The following DLG2 variants were observed in gnomAD, a reference collection of about 807,000 sequenced individuals.
DLG2 encodes the protein discs large MAGUK scaffold protein 2, also known as disks large homolog 2.
A neutral mutation model predicts 132.5 loss-of-function variants in DLG2; 45 were observed. The observed-to-expected ratio is 0.34, with a 90% CI of 0.27 to 0.44. DLG2 has a LOEUF of 0.44. Among genes scored for constraint, DLG2 ranks in the 20% least tolerant of loss-of-function variants. The probability of loss-of-function intolerance (pLI) is 1.00; values close to 1 mark genes in which losing one functional copy is unlikely to be tolerated. For synonymous variants in DLG2, 424 were observed against 419.6 expected, an observed-to-expected ratio of 1.01 and a Z score of -0.13; for missense variants, 1,045 against 1,196.9, an observed-to-expected ratio of 0.87 and a Z score of 1.87.
At chr11:84,784,886 C>T (rs1039493659) in intron 6 of DLG2, among the ~76,000 whole-genome samples, 5 of 151,962 alleles carry the variant, frequency 3.3e-5, no homozygotes, top group East Asian at 3.9e-4. Context: ...TCTTGTACAA[C>T]ATGTTGACTA....
At chr11:84,420,632 G>GTGACCAATGCTTGTTTTCTTT (rs2098945659) in intron 7 of DLG2, among the ~76,000 whole-genome samples, 1 of 134,496 alleles carries the variant, frequency 7.4e-6, no homozygotes, top group Non-Finnish European at 1.6e-5. Flanking sequence ...CCTCAGCACA[G>GTGACCAATGCTTGTTTTCTTT]TGACCAATGC....
At chr11:85,124,079 G>C (rs1312516362) in intron 5 of DLG2, among the ~76,000 whole-genome samples, 1 of 152,214 alleles carries the variant, frequency 6.6e-6, no homozygotes, top group Non-Finnish European at 1.5e-5. Context: ...AAATGAGAGA[G>C]AAAGAGGAGA....
intron 8 of DLG2, among the ~76,000 whole-genome samples, chr11:84,196,347 TA>T (rs2096516761): frequency 6.6e-6 from 1 of 152,192 alleles, no homozygotes; most frequent in Admixed American, 6.5e-5. Context: ...CAGATGGGTA[TA>T]GGGGTAAGAG....
chr11:84,210,544 A>AAG (rs57040288), intron 8 of DLG2, among the ~76,000 whole-genome samples: 110,559 of 147,742 alleles, frequency 0.75, 43,574 homozygotes, highest in Middle Eastern at 0.9. Context: ...AAAAAAAAAA[A>AAG]AAGAATCTTC....
At chr11:84,184,825 G>A (rs1381093598) in intron 8 of DLG2, among the ~76,000 whole-genome samples, 1 of 152,004 alleles carries the variant, frequency 6.6e-6, no homozygotes, top group African/African-American at 2.4e-5. Context: ...TATTAAATAG[G>A]GAATCCTTTC....
At chr11:84,954,386 G>C (rs1308101662) in intron 6 of DLG2, among the ~76,000 whole-genome samples, 1 of 149,508 alleles carries the variant, frequency 6.7e-6, no homozygotes, top group Non-Finnish European at 1.5e-5. Flanking sequence ...CGACATTAAA[G>C]AATGTATAGA....
intron 15 of DLG2, among the ~76,000 whole-genome samples, chr11:83,907,183 T>A (rs1175910877): frequency 6.6e-6 from 1 of 152,028 alleles, no homozygotes; most frequent in African/African-American, 2.4e-5. Context: ...GGGAGAAACA[T>A]CTTGAGAAAG....
intron 19 of DLG2, among the ~76,000 whole-genome samples, chr11:83,611,436 C>G (rs1638455900): frequency 6.6e-6 from 1 of 152,134 alleles, no homozygotes; most frequent in Non-Finnish European, 1.5e-5. Flanking sequence ...ATTAGTGAAG[C>G]ATGCTATAGA....
chr11:84,775,039 C>T (rs1350906435), intron 6 of DLG2, among the ~76,000 whole-genome samples: 35 of 152,068 alleles, frequency 2.3e-4, no homozygotes, highest in Admixed American at 2.3e-3. Flanking sequence ...ATGCATCTAA[C>T]AAAGGTCTAA....
At chr11:84,502,214 CCTTCCTTCCTTCCT>C (rs1567803518) in intron 7 of DLG2, among the ~76,000 whole-genome samples, 171 of 11,644 alleles carry the variant, frequency 0.015, 34 homozygotes, top group Non-Finnish European at 0.016. Flanking sequence ...TTCCTTCCTT[CCTTCCTTCCTTCCT>C]TCCTTCCTTC....
chr11:85,611,643 C>A (rs1046836538), intron 2 of DLG2, among the ~76,000 whole-genome samples: 1 of 152,306 alleles, frequency 6.6e-6, no homozygotes, highest in East Asian at 1.9e-4. Flanking sequence ...GGCACTTACC[C>A]GAGCCTTATA....
chr11:84,764,068 A>G (rs1178645477), intron 6 of DLG2, among the ~76,000 whole-genome samples: 1 of 152,162 alleles, frequency 6.6e-6, no homozygotes, highest in Non-Finnish European at 1.5e-5. Flanking sequence ...TTCAGTCAAC[A>G]TTACAAACCT....
chr11:84,139,738 CACACTCGAA>C lies in DLG2; in HGVS notation c.624+23714_624+23722del, dbSNP rs905708372. Among the ~76,000 whole-genome samples, 84 of 151,974 alleles carry C rather than the reference CACACTCGAA, an allele frequency of 5.5e-4. 1 individual carries two copies. Among genetic ancestry groups the C allele is most frequent in the African/African-American group, 2.0e-3 (81 of 41,372 alleles). ...TTTCAGGCTAAATGACTACAAAGGC[CACACTCGAA>C]ACACTTTGCTGTATTTGTAAAAATA... On this transcript the variant is annotated intron_variant, in intron 9 of 27. Coordinates refer to ENST00000376104, the MANE Select transcript of DLG2 (RefSeq NM_001142699.3).
intron 8 of DLG2, among the ~76,000 whole-genome samples, chr11:84,227,110 T>C (rs979766604): frequency 2.0e-5 from 3 of 151,792 alleles, no homozygotes; most frequent in Non-Finnish European, 4.4e-5. Flanking sequence ...AATTAATTAA[T>C]TAAAATTTTA....
intron 18 of DLG2, among the ~76,000 whole-genome samples, chr11:83,749,218 T>G (rs1355684609): frequency 6.6e-6 from 1 of 152,200 alleles, no homozygotes; most frequent in Admixed American, 6.5e-5. Context: ...AGGTCACAGT[T>G]GCCAGAGAGG....
At chr11:84,106,633 A>G (rs1323354281) in intron 9 of DLG2, among the ~76,000 whole-genome samples, 5 of 152,246 alleles carry the variant, frequency 3.3e-5, no homozygotes, top group African/African-American at 1.2e-4. Context: ...TAGAAAAGCC[A>G]TCAGGAGAAT....
At position 85,537,507 on chromosome 11, in the gene DLG2, G is replaced by A. The variant is rs113752026; in HGVS notation, c.40+61150C>T. On this transcript the variant is annotated intron_variant, in intron 3 of 27. Transcript: ENST00000376104. Reference sequence around the variant, plus strand: ...GAGGGATGAACAACTCCAGACAGGAGGGATGAACAACTCCAGACGGGAGGG... The same window carrying A: ...GAGGGATGAACAACTCCAGACAGGAAGGATGAACAACTCCAGACGGGAGGG... Among the ~76,000 whole-genome samples, 12 of 151,214 alleles carry A rather than the reference G, an allele frequency of 7.9e-5. 1 individual carries two copies. Among genetic ancestry groups the A allele is most frequent in the African/African-American group, 2.7e-4 (11 of 41,044 alleles).
rs755773537 is a variant in DLG2, at chr11:84,032,074, C to G, written c.919+27241G>C. 5.3e-5 allele frequency among the ~76,000 whole-genome samples: 8 copies of G among 152,184 alleles called. No homozygotes were observed. The East Asian group carries it at 5.8e-4, about 11-fold the overall frequency. On this transcript the variant is annotated intron_variant, in intron 11 of 27. Coordinates refer to ENST00000376104, the MANE Select transcript of DLG2 (RefSeq NM_001142699.3). ...CCAAAAATATGTCCTTACCTGTTCTCGCTCCCTCTTCTTGGGCTTACCCTA... is the reference window on the plus strand; with the variant it reads ...CCAAAAATATGTCCTTACCTGTTCTGGCTCCCTCTTCTTGGGCTTACCCTA...
At chr11:83,978,071 T>A (rs1241551588) in intron 12 of DLG2, among the ~76,000 whole-genome samples, 3 of 152,180 alleles carry the variant, frequency 2.0e-5, no homozygotes, top group Middle Eastern at 6.8e-3. Context: ...TATTTTGTCC[T>A]AACTAGACTG....
Sources: gnomAD v4.1 joint callset for allele counts (sites outside exome capture counted in the v4.1 genomes callset) on GRCh38, gnomAD v4.1.1 for gene constraint, MANE v1.5 for transcripts, NCBI Gene and HGNC (gene_info 2026-07-23, HGNC 2026-07-21) for gene names.